DLG2: variants seen among roughly 807,000 people sequenced by gnomAD.
DLG2 encodes discs large MAGUK scaffold protein 2.
DLG2 carries 45 observed loss-of-function variants against 132.5 expected under a neutral mutation model. That is an observed-to-expected ratio of 0.34 (90% confidence interval 0.27 to 0.44). The LOEUF (loss-of-function observed/expected upper bound fraction) is 0.44, where lower values mean the gene tolerates loss of function less well. Among genes scored for constraint, DLG2 ranks in the 20% least tolerant of loss-of-function variants. The probability of loss-of-function intolerance (pLI) is 1.00; values close to 1 mark genes in which losing one functional copy is unlikely to be tolerated. For missense variants in DLG2, 1,045 were observed against 1,196.9 expected, an observed-to-expected ratio of 0.87 and a Z score of 1.87; for synonymous variants, 424 against 419.6, an observed-to-expected ratio of 1.01 and a Z score of -0.13.
intron 7 of DLG2, among the ~76,000 whole-genome samples, chr11:84,420,501 C>A (rs1015045988): frequency 1.3e-5 from 2 of 152,122 alleles, no homozygotes; most frequent in African/African-American, 4.8e-5. Flanking sequence ...CCAGCATCAT[C>A]AAATGCCTAA....
chr11:85,273,027 G>A (rs1254558405), intron 4 of DLG2, among the ~76,000 whole-genome samples: 1 of 152,138 alleles, frequency 6.6e-6, no homozygotes, highest in Non-Finnish European at 1.5e-5. Flanking sequence ...TTAATAAATG[G>A]TGCTGGGAAA....
At chr11:84,301,846 G>C (rs918768426) in intron 7 of DLG2, among the ~76,000 whole-genome samples, 3 of 152,018 alleles carry the variant, frequency 2.0e-5, no homozygotes, top group Non-Finnish European at 2.9e-5. Context: ...TCCCATTACT[G>C]GGTATATACC....
intron 11 of DLG2, among the ~76,000 whole-genome samples, chr11:84,025,254 A>G (rs995753091): frequency 2.0e-5 from 3 of 152,136 alleles, no homozygotes; most frequent in African/African-American, 7.2e-5. Flanking sequence ...AAGGAGGAGC[A>G]AGTCACATCT....
At chr11:84,092,761 G>T (rs2097111131) in intron 10 of DLG2, among the ~76,000 whole-genome samples, 1 of 152,136 alleles carries the variant, frequency 6.6e-6, no homozygotes. Flanking sequence ...AAACCGGCTG[G>T]GTACGGTGGC....
At chr11:84,857,847 C>T (rs1177987491) in intron 6 of DLG2, among the ~76,000 whole-genome samples, 1 of 151,732 alleles carries the variant, frequency 6.6e-6, no homozygotes, top group African/African-American at 2.4e-5. Flanking sequence ...AAAGTTGTTA[C>T]CAATAAAATA....
intron 6 of DLG2, among the ~76,000 whole-genome samples, chr11:85,049,828 G>T (rs71469661): frequency 6.6e-6 from 1 of 151,970 alleles, no homozygotes. Flanking sequence ...CCAAAACTTA[G>T]GGGGTAAAAT....
intron 6 of DLG2, among the ~76,000 whole-genome samples, chr11:84,780,347 A>G (rs908580770): frequency 6.6e-6 from 1 of 152,116 alleles, no homozygotes; most frequent in Non-Finnish European, 1.5e-5. Flanking sequence ...TGATAAAAAA[A>G]TTAAAAAACT....
At chr11:84,391,708 A>G (rs76936178) in intron 7 of DLG2, among the ~76,000 whole-genome samples, 2,402 of 152,210 alleles carry the variant, frequency 0.016, 58 homozygotes, top group African/African-American at 0.055. Context: ...ATGGAAAGCA[A>G]ACAAAACTAG....
At chr11:83,797,266 T>C (rs1053841359) in intron 17 of DLG2, among the ~76,000 whole-genome samples, 7 of 152,178 alleles carry the variant, frequency 4.6e-5, no homozygotes. Context: ...ATGGTGATGA[T>C]GGTAGCTGAC....
chr11:84,562,629 T>C (rs2099430745), intron 6 of DLG2, among the ~76,000 whole-genome samples: 1 of 152,166 alleles, frequency 6.6e-6, no homozygotes, highest in African/African-American at 2.4e-5. Context: ...TTCTGATTCC[T>C]CCAAGCAACT....
chr11:85,357,163 T>G (rs1280132068), intron 3 of DLG2, among the ~76,000 whole-genome samples: 1 of 151,878 alleles, frequency 6.6e-6, no homozygotes, highest in East Asian at 1.9e-4. Context: ...GCAGCCTGCA[T>G]TTCCTTTTCA....
At chr11:84,302,440 T>C (rs988066073) in intron 7 of DLG2, among the ~76,000 whole-genome samples, 19 of 152,308 alleles carry the variant, frequency 1.2e-4, no homozygotes, top group African/African-American at 4.6e-4. Flanking sequence ...TGATGCTAAT[T>C]TTTAAAAAGA....
At chr11:83,876,753 A>G (rs1346878052) in intron 15 of DLG2, among the ~76,000 whole-genome samples, 5 of 152,114 alleles carry the variant, frequency 3.3e-5, no homozygotes, top group Non-Finnish European at 7.4e-5. Flanking sequence ...TTTCCATTCT[A>G]TCTTACTGAC....
At chr11:84,207,786 T>C (rs952605910) in intron 8 of DLG2, among the ~76,000 whole-genome samples, 1 of 152,060 alleles carries the variant, frequency 6.6e-6, no homozygotes, top group African/African-American at 2.4e-5. Flanking sequence ...ATAAACAACA[T>C]GATAAAAATG....
intron 6 of DLG2, among the ~76,000 whole-genome samples, chr11:85,039,140 TG>T (rs2061641057): frequency 6.6e-6 from 1 of 151,960 alleles, no homozygotes; most frequent in Non-Finnish European, 1.5e-5. Context: ...TTTTTGGAAT[TG>T]CTGCTTTGCC....
intron 19 of DLG2, chr11:83,632,955 C>A (rs555579173): frequency 6.6e-4 from 278 of 418,320 alleles, no homozygotes; most frequent in Non-Finnish European, 9.9e-4. Context: ...ATTTTTATTG[C>A]AACCTATGCT....
chr11:85,177,052 C>T (rs1440230367), intron 4 of DLG2, among the ~76,000 whole-genome samples: 2 of 152,016 alleles, frequency 1.3e-5, no homozygotes, highest in South Asian at 2.1e-4. Context: ...TGCAGCAATT[C>T]CTCAAAGATC....
At chr11:84,373,425 C>G (rs192557622) in intron 7 of DLG2, among the ~76,000 whole-genome samples, 119 of 151,866 alleles carry the variant, frequency 7.8e-4, no homozygotes, top group African/African-American at 2.8e-3. Flanking sequence ...GAAAAATTAG[C>G]CGGGCATGAT....
At chr11:84,144,444 G>A (rs141280226) in intron 9 of DLG2, among the ~76,000 whole-genome samples, 134 of 152,206 alleles carry the variant, frequency 8.8e-4, no homozygotes, top group African/African-American at 2.8e-3. Context: ...AAGAATCATG[G>A]AATTTGCTCT....
Sources: gnomAD v4.1 joint callset for allele counts (sites outside exome capture counted in the v4.1 genomes callset) on GRCh38, gnomAD v4.1.1 for gene constraint, MANE v1.5 for transcripts, NCBI Gene and HGNC (gene_info 2026-07-23, HGNC 2026-07-21) for gene names.